Variants in PCDHGA12 observed in about 807,000 individuals in gnomAD.
PCDHGA12 encodes the protein protocadherin gamma subfamily A, 12, also known as protocadherin gamma-A12.
In PCDHGA12, 43 loss-of-function variants were observed where a neutral mutation model predicts 61.1. The ratio of observed to expected loss-of-function variants is 0.70; its 90% CI spans 0.55 to 0.91. The LOEUF (loss-of-function observed/expected upper bound fraction) is 0.91, where lower values mean the gene tolerates loss of function less well. PCDHGA12 is among the 40% of genes least tolerant of loss of function. PCDHGA12 has a pLI of 0.00. For missense variants in PCDHGA12, 1,236 were observed against 1,227.7 expected, an observed-to-expected ratio of 1.01 and a Z score of -0.10; for synonymous variants, 520 against 542.9, an observed-to-expected ratio of 0.96 and a Z score of 0.59.
chr5:141,499,479 C>T (rs1019775735), intron 2 of PCDHGA12, among the ~76,000 whole-genome samples: 1 of 152,146 alleles, frequency 6.6e-6, no homozygotes. Context: ...AGAACCACCA[C>T]CAACTACAGT....
At chr5:141,484,315 C>T (rs1172379949) in intron 1 of PCDHGA12, among the ~76,000 whole-genome samples, 2 of 152,326 alleles carry the variant, frequency 1.3e-5, no homozygotes, top group African/African-American at 4.8e-5. Context: ...ACCCCGCTTC[C>T]ATACTGTCCT....
intron 1 of PCDHGA12, among the ~76,000 whole-genome samples, chr5:141,455,322 G>A (rs376682363): frequency 1.3e-5 from 2 of 152,134 alleles, no homozygotes; most frequent in East Asian, 3.9e-4. Context: ...TTTTGTGTGT[G>A]TGTTTGTGGT....
At chr5:141,458,090 G>C (rs1306631184) in intron 1 of PCDHGA12, among the ~76,000 whole-genome samples, 2 of 152,234 alleles carry the variant, frequency 1.3e-5, no homozygotes, top group Non-Finnish European at 1.5e-5. Context: ...CGTAAGTTAA[G>C]AGTACTTACA....
At chr5:141,497,468 G>A (rs912445126) in intron 2 of PCDHGA12, among the ~76,000 whole-genome samples, 10 of 151,996 alleles carry the variant, frequency 6.6e-5, no homozygotes, top group African/African-American at 2.4e-4. Flanking sequence ...GAGATATGGA[G>A]GAGAAGGTGC....
rs779949817 is a variant in PCDHGA12 at position 141,487,266 on chromosome 5, T to G, written c.2425-7541T>G. The G allele has an allele frequency of 6.2e-7, 1 of 1,614,054 alleles. No individual in the cohort carries two copies. The highest frequency in any genetic ancestry group is 8.5e-7 in the Non-Finnish European group (1 of 1,180,044). On this transcript the variant is annotated intron_variant, in intron 1 of 3. Transcript: ENST00000252085. This position sits in a 1 kb window ranked among gnomAD's most constrained non-coding sequence, Gnocchi z 5.0. The stretch of plus-strand genomic sequence containing the variant: ...ACCCTCTACTTGGCTGTGTCCCTAG[T>G]GGCAATTTGCTTTGTCTCCTTTGGC...
chr5:141,485,867 G>A lies in PCDHGA12; in HGVS notation c.2425-8940G>A. On this transcript the variant is annotated intron_variant, in intron 1 of 3. Coordinates refer to ENST00000252085, the MANE Select transcript of PCDHGA12 (RefSeq NM_003735.3). The surrounding 1 kb of genome is among the most constrained non-coding windows in gnomAD (Gnocchi z 5.7). ...TGGCACCGCAGAGCTCCGGGTATCC[G>A]TGCTGGACGTAAACGACAACGCCCC... The A allele has an allele frequency of 1.9e-6, 3 of 1,614,164 alleles. No homozygotes were observed. Among genetic ancestry groups the A allele is most frequent in the Non-Finnish European group, 8.5e-7 (1 of 1,180,040 alleles).
chr5:141,449,095 T>C (rs2098628347), intron 1 of PCDHGA12, among the ~76,000 whole-genome samples: 1 of 152,204 alleles, frequency 6.6e-6, no homozygotes. Flanking sequence ...AGTTTTTACA[T>C]ATGCAGTATA....
Position 141,469,939 on chromosome 5 carries a change from T to G in PCDHGA12, c.2425-24868T>G, listed in dbSNP as rs1376169822. Among the ~76,000 whole-genome samples, 3 of 152,186 alleles carry G rather than the reference T, an allele frequency of 2.0e-5. No individual in the cohort carries two copies. The East Asian group carries it at 5.8e-4, about 29-fold the overall frequency. On this transcript the variant is annotated intron_variant, in intron 1 of 3. Transcript: ENST00000252085. ...CGAGGTCAGGAGTTTGAGACCAGCC[T>G]GGCCAGCATGGTGAAACCCCATCTG...
In PCDHGA12 at chr5:141,483,413, G is replaced by A. The variant is rs112015754; in HGVS notation, c.2425-11394G>A. 5.9e-4 allele frequency among the ~76,000 whole-genome samples: 90 copies of A among 152,300 alleles called. 1 individual carries two copies. Among genetic ancestry groups the A allele is most frequent in the African/African-American group, 1.7e-3 (69 of 41,584 alleles). ...AAATGCTTGAACCAGCACAGTGGCA[G>A]TACAGATGGAGGGAGCTGACTACAA... On this transcript the variant is annotated intron_variant, in intron 1 of 3. Transcript: ENST00000252085.
At chr5:141,471,046 C>CTTT (rs1170588345) in intron 1 of PCDHGA12, among the ~76,000 whole-genome samples, 3 of 113,252 alleles carry the variant, frequency 2.6e-5, no homozygotes, top group Non-Finnish European at 5.4e-5. Context: ...CCCAAGCCCT[C>CTTT]TTTTTTTTTT....
At chr5:141,461,794 C>T (rs191966750) in intron 1 of PCDHGA12, among the ~76,000 whole-genome samples, 7 of 152,134 alleles carry the variant, frequency 4.6e-5, no homozygotes, top group African/African-American at 1.7e-4. Flanking sequence ...GCTGGGATTA[C>T]AGGTGCCCAC....
At chr5:141,481,533 T>TG (rs1246139713) in intron 1 of PCDHGA12, among the ~76,000 whole-genome samples, 2 of 152,200 alleles carry the variant, frequency 1.3e-5, no homozygotes, top group Admixed American at 6.5e-5. Context: ...AATCTAGAGA[T>TG]GGGGCTGGGC....
chr5:141,432,366 A>T lies in PCDHGA12; in HGVS notation c.1607A>T (p.Asp536Val). The T allele has an allele frequency of 6.2e-7, 1 of 1,614,204 alleles. No homozygotes were observed. Among genetic ancestry groups the T allele is most frequent in the Non-Finnish European group, 8.5e-7 (1 of 1,180,034 alleles). The change falls in exon 1 of 4, where the codon GAC becomes GTC. Residue 536 changes from aspartate to valine, a missense_variant. Coordinates refer to ENST00000252085, the MANE Select transcript of PCDHGA12 (RefSeq NM_003735.3). This position sits in a 1 kb window ranked among gnomAD's most constrained non-coding sequence, Gnocchi z 6.0. ...RDLQVKVMAR[D>V]NGHPPLSSNV... Reference sequence around the variant, plus strand: ...TTGCAAGTGAAAGTGATGGCGCGGGACAACGGGCACCCGCCCCTCAGCAGC... The same window carrying T: ...TTGCAAGTGAAAGTGATGGCGCGGGTCAACGGGCACCCGCCCCTCAGCAGC...
chr5:141,451,237 A>G (rs1405567593), intron 1 of PCDHGA12, among the ~76,000 whole-genome samples: 1 of 152,198 alleles, frequency 6.6e-6, no homozygotes, highest in Non-Finnish European at 1.5e-5. Context: ...TTATTATCTC[A>G]TAAATTTTGT....
At chr5:141,494,976 G>A in intron 2 of PCDHGA12, 111 bp downstream of exon 2, 1 of 1,575,636 alleles carries the variant, frequency 6.3e-7, no homozygotes. Flanking sequence ...TTCTCCCTCA[G>A]TTTGAGATCC....
Position 141,485,117 on chromosome 5 carries a change from G to A in PCDHGA12, c.2425-9690G>A. The A allele has an allele frequency of 3.0e-6, 4 of 1,326,200 alleles. No homozygotes were observed. The highest frequency in any genetic ancestry group is 4.3e-6 in the Non-Finnish European group (4 of 933,470). 82.2% of individuals were successfully genotyped at this position (1,326,200 alleles called of 1,614,324 possible). On this transcript the variant is annotated intron_variant, in intron 1 of 3. Transcript: ENST00000252085. The surrounding 1 kb of genome is among the most constrained non-coding windows in gnomAD (Gnocchi z 5.7). ...GTCTCCAGCTGCTGTGGCTGTTTGG[G>A]GCGGGTCGGCTTCATCCGCGTCTCA...
chr5:141,477,080 A>C lies in PCDHGA12; in HGVS notation c.2425-17727A>C. 1 of 1,614,254 alleles carries C rather than the reference A, an allele frequency of 6.2e-7. No homozygotes were observed. ...GGACACCAAACTCCATGAGATTTAC[A>C]TCCAGGCCAAAGACAAGGGCGCCAA... On this transcript the variant is annotated intron_variant, in intron 1 of 3. Coordinates refer to ENST00000252085, the MANE Select transcript of PCDHGA12 (RefSeq NM_003735.3). This position sits in a 1 kb window ranked among gnomAD's most constrained non-coding sequence, Gnocchi z 4.9.
rs866649962 is a variant in PCDHGA12 at position 141,482,106 on chromosome 5, T to A, written c.2425-12701T>A. Reference sequence around the variant, plus strand: ...CTCCATCTCAAAAAAAAAAAAAAAATATCTAGAGATGGGAGAATCATATGG... The same window carrying A: ...CTCCATCTCAAAAAAAAAAAAAAAAAATCTAGAGATGGGAGAATCATATGG... On this transcript the variant is annotated intron_variant, in intron 1 of 3. Transcript: ENST00000252085. 2.5e-3 allele frequency among the ~76,000 whole-genome samples: 342 copies of A among 138,882 alleles called. 1 individual carries two copies. Among genetic ancestry groups the A allele is most frequent in the Middle Eastern group, 0.011 (3 of 272 alleles). 91.1% of individuals were successfully genotyped at this position (138,882 alleles called of 152,430 possible). A position where few individuals can be genotyped will look rare whatever the true frequency, so the allele number is the denominator to read the frequency against.
intron 1 of PCDHGA12, chr5:141,479,743 T>C (rs2154578017): frequency 6.6e-6 from 1 of 152,356 alleles, no homozygotes; most frequent in African/African-American, 2.4e-5. Flanking sequence ...ATATGCACAA[T>C]GTGAAAGGTA....
Sources: allele counts gnomAD v4.1 joint callset (sites outside exome capture counted in the v4.1 genomes callset), GRCh38; gene constraint gnomAD v4.1.1; non-coding constraint Gnocchi (gnomAD v3.1); transcripts MANE v1.5; gene names NCBI Gene and HGNC (gene_info 2026-07-23, HGNC 2026-07-21).